The following PRELID2 variants were observed in gnomAD, a reference collection of about 807,000 sequenced individuals.
PRELID2 encodes PRELI domain-containing protein 2.
A neutral mutation model predicts 28.4 loss-of-function variants in PRELID2; 25 were observed. The observed-to-expected ratio is 0.88, with a 90% CI of 0.64 to 1.23. PRELID2 has a LOEUF of 1.23. Ranked by LOEUF, PRELID2 falls within the 50% of genes most tolerant of loss-of-function variation. The pLI is 0.00. For synonymous variants in PRELID2, 76 were observed against 71.6 expected (o/e 1.06, Z -0.31); for missense variants, 201 against 214.4 (o/e 0.94, Z 0.39).
rs146486186 is a variant in PRELID2, at chr5:145,760,249, A to G, written c.*287T>C. ...CTGAGGAAGGGCACACATATCTTAC[A>G]TGGTTCTTTTTTCCTTTATTTGTAA... is the stretch of plus-strand genomic sequence containing the variant. On this transcript the variant is annotated 3_prime_UTR_variant, in exon 7 of 7. Transcript: ENST00000683046. The G allele has an allele frequency of 1.3e-3, 199 of 152,246 alleles. No homozygotes were observed. Among genetic ancestry groups the G allele is most frequent in the African/African-American group, 4.7e-3 (194 of 41,540 alleles). The allele number at this position is 152,246 out of a possible 1,614,324, so 9.4% of individuals were successfully genotyped here. A position where few individuals can be genotyped will look rare whatever the true frequency, so the allele number is the denominator to read the frequency against.
chr5:145,263,623 G>A, the PRELID2 span, among the ~76,000 whole-genome samples: 1 of 151,840 alleles, frequency 6.6e-6, no homozygotes, highest in African/African-American at 2.4e-5. Context: ...AGGATCCAAA[G>A]AAGCTCCATT....
chr5:145,764,826 A>C (rs1757646202), intron 6 of PRELID2, 105 bp downstream of exon 6: 1 of 756,242 alleles, frequency 1.3e-6, no homozygotes, highest in Non-Finnish European at 2.3e-6. Flanking sequence ...ATAACTGGGA[A>C]ATGTGCAGCG....
In PRELID2 at chr5:145,623,172, C is replaced by T. The variant is rs546400709; in HGVS notation, n.70+141759G>A. Reference sequence around the variant, plus strand: ...CCTCATTTAAACTAAAGCCACAGGCCGGGAGTGGTGGCTCATGCCTGTAAT... The same window carrying T: ...CCTCATTTAAACTAAAGCCACAGGCTGGGAGTGGTGGCTCATGCCTGTAAT... On this transcript the variant is annotated intron_variant and non_coding_transcript_variant, in intron 1 of 2. Coordinates refer to the PRELID2 transcript ENST00000510259. Among the ~76,000 whole-genome samples, 246 of 151,362 alleles carry T rather than the reference C, an allele frequency of 1.6e-3. 1 individual carries two copies. The highest frequency in any genetic ancestry group is 6.8e-3 in the Middle Eastern group (2 of 292).
At chr5:145,810,030 A>C (rs1581248026) in intron 4 of PRELID2, among the ~76,000 whole-genome samples, 1 of 152,332 alleles carries the variant, frequency 6.6e-6, no homozygotes, top group East Asian at 1.9e-4. Flanking sequence ...GACCAGACAC[A>C]AACACAAGAA....
downstream of PRELID2, among the ~76,000 whole-genome samples, chr5:145,470,988 G>A (rs1752048563): frequency 6.6e-6 from 1 of 152,062 alleles, no homozygotes; most frequent in Non-Finnish European, 1.5e-5. Context: ...AACCCCGGAG[G>A]TATATTTGTA....
intron 1 of PRELID2, among the ~76,000 whole-genome samples, chr5:145,717,909 C>T (rs2149715024): frequency 6.6e-6 from 1 of 151,772 alleles, no homozygotes; most frequent in Non-Finnish European, 1.5e-5. Context: ...ATTTTCTTCT[C>T]CATGGTAAGA....
intron 1 of PRELID2, among the ~76,000 whole-genome samples, chr5:145,663,476 G>A (rs1754531905): frequency 6.6e-6 from 1 of 152,144 alleles, no homozygotes; most frequent in Non-Finnish European, 1.5e-5. Context: ...AAGGCAGCAG[G>A]AATTCAGAGG....
At chr5:145,403,467 T>C in the PRELID2 span, among the ~76,000 whole-genome samples, 1 of 152,198 alleles carries the variant, frequency 6.6e-6, no homozygotes, top group Admixed American at 6.5e-5. Flanking sequence ...CAGTAGCCAG[T>C]ATGAAGAATG....
chr5:145,379,874 T>C, the PRELID2 span, among the ~76,000 whole-genome samples: 2 of 152,020 alleles, frequency 1.3e-5, no homozygotes, highest in Admixed American at 6.6e-5. Context: ...CAAGCAAGCA[T>C]GTCCAGGCTA....
chr5:145,314,257 G>C, the PRELID2 span, among the ~76,000 whole-genome samples: 1 of 152,158 alleles, frequency 6.6e-6, no homozygotes, highest in Admixed American at 6.5e-5. Flanking sequence ...GAATTAAAGT[G>C]TATGTCTAGC....
intron 1 of PRELID2, among the ~76,000 whole-genome samples, chr5:145,831,319 A>G (rs1013496824): frequency 1.3e-5 from 2 of 152,166 alleles, no homozygotes; most frequent in African/African-American, 4.8e-5. Context: ...CATCCACCTA[A>G]AGGAAGGAGT....
chr5:145,258,383 G>T, the PRELID2 span, among the ~76,000 whole-genome samples: 4 of 152,154 alleles, frequency 2.6e-5, no homozygotes, highest in African/African-American at 9.7e-5. Flanking sequence ...CTGGTTAAGT[G>T]GTTGTGACTA....
At chr5:145,279,556 G>A in the PRELID2 span, among the ~76,000 whole-genome samples, 3 of 152,142 alleles carry the variant, frequency 2.0e-5, no homozygotes, top group Non-Finnish European at 4.4e-5. Flanking sequence ...TTAGCACAGT[G>A]CTTGCCAAAT....
At chr5:145,653,501 A>G (rs1754336217) in intron 1 of PRELID2, among the ~76,000 whole-genome samples, 1 of 152,230 alleles carries the variant, frequency 6.6e-6, no homozygotes, top group Non-Finnish European at 1.5e-5. Flanking sequence ...AGTTGGAAGT[A>G]AAGCACTCCT....
chr5:145,380,026 G>A, the PRELID2 span, among the ~76,000 whole-genome samples: 25 of 152,120 alleles, frequency 1.6e-4, no homozygotes, highest in Non-Finnish European at 2.6e-4. Flanking sequence ...CTAGGGGGAC[G>A]GCCCTTTCTG....
chr5:145,243,671 G>C, the PRELID2 span, among the ~76,000 whole-genome samples: 1 of 151,878 alleles, frequency 6.6e-6, no homozygotes, highest in Admixed American at 6.6e-5. Flanking sequence ...AAATCATATA[G>C]TATATATAGC....
At chr5:145,384,582 T>C in the PRELID2 span, among the ~76,000 whole-genome samples, 1 of 152,214 alleles carries the variant, frequency 6.6e-6, no homozygotes, top group Non-Finnish European at 1.5e-5. Context: ...CGTATTAGGC[T>C]GTTCTTGCAT....
chr5:145,828,586 G>C (rs1755361052), intron 1 of PRELID2, among the ~76,000 whole-genome samples: 1 of 152,174 alleles, frequency 6.6e-6, no homozygotes, highest in Non-Finnish European at 1.5e-5. Flanking sequence ...GGAAAGGGCT[G>C]CACCAGAGAA....
chr5:145,599,759 C>T (rs577791777), intron 1 of PRELID2, among the ~76,000 whole-genome samples: 4 of 152,214 alleles, frequency 2.6e-5, no homozygotes, highest in South Asian at 2.1e-4. Context: ...AAATGTCTTT[C>T]ATAGGCAAAA....
Sources: gnomAD v4.1 joint callset for allele counts (sites outside exome capture counted in the v4.1 genomes callset) on GRCh38, gnomAD v4.1.1 for gene constraint, MANE v1.5 for transcripts, NCBI Gene and HGNC (gene_info 2026-07-23, HGNC 2026-07-21) for gene names.